VWA8: variants seen among roughly 807,000 people sequenced by gnomAD.
The protein encoded by VWA8 is von Willebrand factor A domain-containing protein 8.
VWA8 carries 221 observed loss-of-function variants against 241.5 expected under a neutral mutation model. The ratio of observed to expected loss-of-function variants is 0.91; its 90% CI spans 0.82 to 1.02. The LOEUF (loss-of-function observed/expected upper bound fraction) is 1.02, where lower values mean the gene tolerates loss of function less well. Among genes scored for constraint, VWA8 ranks in the 50% least tolerant of loss-of-function variants. The pLI is 0.00. For missense variants in VWA8, 2,322 were observed against 2,328.7 expected (o/e 1.00, Z 0.06); for synonymous variants, 852 against 827.1 (o/e 1.03, Z -0.52).
chr13:41,831,592 G>C (rs1026531454), intron 13 of VWA8, among the ~76,000 whole-genome samples: 1 of 149,840 alleles, frequency 6.7e-6, no homozygotes, highest in Non-Finnish European at 1.5e-5. Context: ...AGAAAATTCT[G>C]ATGGTGAAGC....
rs754338437 is a variant in VWA8 at position 41,684,997 on chromosome 13, G to A, written c.4327+50C>T. 2.7e-6 allele frequency: 4 copies of A among 1,472,316 alleles called. No individual in the cohort carries two copies. The South Asian group carries it at 4.8e-5, about 18-fold the overall frequency. The allele number at this position is 1,472,316 out of a possible 1,614,324, so 91.2% of individuals were successfully genotyped here. A position where few individuals can be genotyped will look rare whatever the true frequency, so the allele number is the denominator to read the frequency against. ...ATTAAATATCCTCTACCAAAAGGAA[G>A]CTACTTTAAACCACCTTTGTAAATT... On this transcript the variant is annotated intron_variant, in intron 35 of 44. Transcript: ENST00000379310.
rs753100900 is a variant in VWA8, at chr13:41,611,657, A to G, written c.4796T>C (p.Val1599Ala). 4.3e-6 allele frequency: 7 copies of G among 1,614,020 alleles called. No homozygotes were observed. Among genetic ancestry groups the G allele is most frequent in the African/African-American group, 1.3e-5 (1 of 75,006 alleles). The change falls in exon 39 of 45, where the codon GTC becomes GCC. Residue 1599 changes from valine (V) to alanine (A), a missense_variant. Physicochemically the swap from Val to Ala is moderately conservative, Grantham distance 64. Coordinates refer to ENST00000379310, the MANE Select transcript of VWA8 (RefSeq NM_015058.2). Reference protein sequence around the residue: ...RLDAGHTVYQVSQAEKDAVPE... With the variant: ...RLDAGHTVYQASQAEKDAVPE... Reference sequence around the variant, plus strand: ...AACTGCATCTTTCTCAGCCTGAGAGACCTGGTACACCGTATGGCCTGCATC... The same window carrying G: ...AACTGCATCTTTCTCAGCCTGAGAGGCCTGGTACACCGTATGGCCTGCATC...
intron 20 of VWA8, among the ~76,000 whole-genome samples, chr13:41,768,713 TTCA>T (rs1341638143): frequency 6.6e-6 from 1 of 152,114 alleles, no homozygotes; most frequent in Non-Finnish European, 1.5e-5. Flanking sequence ...TCAATGGAAG[TTCA>T]TCAATATTGG....
intron 37 of VWA8, among the ~76,000 whole-genome samples, chr13:41,661,484 A>G (rs1402863403): frequency 6.6e-6 from 1 of 152,118 alleles, no homozygotes; most frequent in Non-Finnish European, 1.5e-5. Flanking sequence ...CAGATGTGTG[A>G]TCTTGGGCAA....
intron 21 of VWA8, among the ~76,000 whole-genome samples, chr13:41,754,544 C>G (rs573875104): frequency 1.3e-5 from 2 of 152,192 alleles, no homozygotes; most frequent in African/African-American, 4.8e-5. Context: ...GCATAATAAT[C>G]ACATCAGGGT....
At chr13:41,617,989 A>G (rs1362696776) in intron 37 of VWA8, among the ~76,000 whole-genome samples, 1 of 152,182 alleles carries the variant, frequency 6.6e-6, no homozygotes. Context: ...TTGGGTATAT[A>G]CCCAGTAATG....
intron 17 of VWA8, among the ~76,000 whole-genome samples, chr13:41,791,430 G>A (rs1869458055): frequency 6.6e-6 from 1 of 151,638 alleles, no homozygotes; most frequent in African/African-American, 2.4e-5. Context: ...TTTTAATTAT[G>A]AAATATTTCA....
intron 40 of VWA8, 140 bp downstream of exon 40, chr13:41,605,028 C>T: frequency 2.9e-6 from 2 of 701,500 alleles, no homozygotes; most frequent in Non-Finnish European, 4.7e-6. Context: ...ATGGGATAGT[C>T]CAGTTTTATG....
chr13:41,832,635 A>G (rs926499192), intron 13 of VWA8, among the ~76,000 whole-genome samples: 7 of 152,176 alleles, frequency 4.6e-5, no homozygotes, highest in African/African-American at 1.7e-4. Flanking sequence ...AATGAGTCAC[A>G]GTTAAAAATC....
chr13:41,821,534 A>G (rs1420060372), intron 14 of VWA8, among the ~76,000 whole-genome samples: 1 of 152,186 alleles, frequency 6.6e-6, no homozygotes, highest in Non-Finnish European at 1.5e-5. Context: ...TGGGTAATAC[A>G]AAGACCAAAG....
chr13:41,840,313 G>C (rs1404966859), intron 12 of VWA8, among the ~76,000 whole-genome samples: 1 of 152,034 alleles, frequency 6.6e-6, no homozygotes, highest in East Asian at 1.9e-4. Context: ...GGCCTGTCTG[G>C]GGATGGCGGG....
At chr13:41,673,390 G>A (rs1356901104) in intron 36 of VWA8, among the ~76,000 whole-genome samples, 4 of 152,156 alleles carry the variant, frequency 2.6e-5, no homozygotes, top group African/African-American at 4.8e-5. Flanking sequence ...CTGAAGTCCA[G>A]ATGGGTTGTT....
At chr13:41,912,672 T>C (rs915044827) in intron 2 of VWA8, among the ~76,000 whole-genome samples, 1 of 152,170 alleles carries the variant, frequency 6.6e-6, no homozygotes, top group Non-Finnish European at 1.5e-5. Flanking sequence ...ACAACTTAAG[T>C]TGGTAATGGG....
chr13:41,777,424 G>T (rs1868656845), intron 20 of VWA8, among the ~76,000 whole-genome samples: 2 of 152,126 alleles, frequency 1.3e-5, no homozygotes, highest in African/African-American at 4.8e-5. Flanking sequence ...TAACTGAATA[G>T]ATAAGGAACT....
intron 21 of VWA8, among the ~76,000 whole-genome samples, chr13:41,743,714 G>C (rs2045584573): frequency 6.6e-6 from 1 of 151,990 alleles, no homozygotes. Context: ...TTTATTAATA[G>C]CATCAATATT....
At chr13:41,631,789 GTGTGTA>G (rs2044728505) in intron 37 of VWA8, among the ~76,000 whole-genome samples, 1 of 152,176 alleles carries the variant, frequency 6.6e-6, no homozygotes, top group South Asian at 2.1e-4. Flanking sequence ...TGTTATCATT[GTGTGTA>G]GGTGAGTGTC....
At chr13:41,847,415 A>G (rs900377437) in intron 12 of VWA8, among the ~76,000 whole-genome samples, 3 of 152,208 alleles carry the variant, frequency 2.0e-5, no homozygotes, top group African/African-American at 7.2e-5. Context: ...AGAATATTCC[A>G]GTCTGATGAC....
chr13:41,719,508 T>C, intron 26 of VWA8, 83 bp downstream of exon 26: 2 of 1,594,878 alleles, frequency 1.3e-6, no homozygotes, highest in Non-Finnish European at 1.7e-6. Flanking sequence ...GTAATTTCCA[T>C]AGCAACTCAG....
intron 20 of VWA8, among the ~76,000 whole-genome samples, chr13:41,768,950 C>T (rs1284224240): frequency 6.8e-6 from 1 of 147,008 alleles, no homozygotes; most frequent in Non-Finnish European, 1.5e-5. Flanking sequence ...ACTGCCCACG[C>T]TGGAGTTAGT....
Sources: allele counts gnomAD v4.1 joint callset (sites outside exome capture counted in the v4.1 genomes callset), GRCh38; gene constraint gnomAD v4.1.1; transcripts MANE v1.5; gene names NCBI Gene and HGNC (gene_info 2026-07-23, HGNC 2026-07-21).